Variants in WASHC5 observed in about 807,000 individuals in gnomAD.
WASHC5 encodes WASH complex subunit 5.
A neutral mutation model predicts 150.4 loss-of-function variants in WASHC5; 101 were observed. That is an observed-to-expected ratio of 0.67 (90% CI 0.57 to 0.79). The LOEUF is 0.79. Among genes scored for constraint, WASHC5 ranks in the 30% least tolerant of loss-of-function variants. The pLI, the probability that WASHC5 is intolerant of heterozygous loss-of-function variation, is 0.00. For synonymous variants in WASHC5, 467 were observed against 491.2 expected (o/e 0.95, Z 0.65); for missense variants, 1,195 against 1,396.3 (o/e 0.86, Z 2.30).
chr8:125,037,165 C>G, intron 26 of WASHC5, 72 bp downstream of exon 26: 1 of 905,048 alleles, frequency 1.1e-6, no homozygotes, highest in Non-Finnish European at 1.9e-6. Flanking sequence ...GCATTCTATA[C>G]AAAAAGCTAT....
intron 9 of WASHC5, among the ~76,000 whole-genome samples, chr8:125,071,092 A>G (rs1586375644): frequency 6.6e-6 from 1 of 152,250 alleles, no homozygotes; most frequent in Non-Finnish European, 1.5e-5. Context: ...TGCTGCACAC[A>G]GTGCCTGTCT....
At chr8:125,038,052 A>C (rs1815768756) in intron 25 of WASHC5, among the ~76,000 whole-genome samples, 1 of 152,180 alleles carries the variant, frequency 6.6e-6, no homozygotes. Context: ...GGCGTATTTC[A>C]TAGGGCTTGT....
chr8:125,025,665 C>T (rs989553816), intron 28 of WASHC5, among the ~76,000 whole-genome samples: 13 of 152,178 alleles, frequency 8.5e-5, no homozygotes, highest in East Asian at 1.9e-4. Flanking sequence ...TCCAGCCTGG[C>T]GACAGATGGC....
chr8:125,078,628 T>C, intron 6 of WASHC5, 110 bp downstream of exon 6: 14 of 901,138 alleles, frequency 1.6e-5, no homozygotes, highest in South Asian at 7.0e-5. Flanking sequence ...TAAAAGGTTC[T>C]ACCTGCTTTT....
At chr8:125,088,688 T>C (rs569307866) in intron 1 of WASHC5, among the ~76,000 whole-genome samples, 11 of 152,138 alleles carry the variant, frequency 7.2e-5, no homozygotes, top group African/African-American at 2.4e-4. Flanking sequence ...GATAAGACCA[T>C]AGCTCCTTGT....
At chr8:125,082,992 T>C (rs1817315773) in intron 3 of WASHC5, 121 bp downstream of exon 3, 5 of 681,498 alleles carry the variant, frequency 7.3e-6, no homozygotes, top group Non-Finnish European at 1.3e-5. Flanking sequence ...GACAACTATA[T>C]ACAGTATAAA....
chr8:125,027,587 G>T (rs1224402399), intron 28 of WASHC5, among the ~76,000 whole-genome samples: 1 of 152,194 alleles, frequency 6.6e-6, no homozygotes, highest in African/African-American at 2.4e-5. Context: ...AAAGGCATAA[G>T]AATTATACAA....
intron 28 of WASHC5, among the ~76,000 whole-genome samples, chr8:125,028,021 G>A (rs1471286746): frequency 1.3e-5 from 2 of 152,154 alleles, no homozygotes. Context: ...TTGTAAGAAA[G>A]TATCTTTGAT....
chr8:125,073,177 G>A lies in WASHC5; in HGVS notation c.1126C>T (p.Leu376=). 1 of 1,614,096 alleles carries A rather than the reference G, an allele frequency of 6.2e-7. No homozygotes were observed. The highest frequency in any genetic ancestry group is 8.5e-7 in the Non-Finnish European group (1 of 1,179,986). The part of the protein sequence containing the change: ...LRDCNVAIRW[L]MLHTADSACD... ...CCTGAGTCTGCTGTATGAAGCATCA[G>A]CCATCGGATGGCAACATTGCAGTCT... Residue 376 remains leucine (L), a synonymous_variant, in exon 9 of 29, where the codon CTG becomes TTG. Transcript: ENST00000318410.
At position 125,056,785 on chromosome 8, in the gene WASHC5, T is replaced by C; in HGVS notation, c.1908A>G (p.Thr636=). The C allele has an allele frequency of 6.2e-7, 1 of 1,614,176 alleles. No individual in the cohort carries two copies. The highest frequency in any genetic ancestry group is 1.1e-5 in the South Asian group (1 of 91,088). The change falls in exon 16 of 29, where the codon ACA becomes ACG. Residue 636 remains threonine (T), a synonymous_variant. Coordinates refer to ENST00000318410, the MANE Select transcript of WASHC5 (RefSeq NM_014846.4). ...GAAGCTTTATGATCTTTAGAAGAGATGTAAACATGCTTTCTGGGATGATCT... is the reference window on the plus strand; with the variant it reads ...GAAGCTTTATGATCTTTAGAAGAGACGTAAACATGCTTTCTGGGATGATCT... ...VLQIIPESMF[T]SLLKIIKLQT... is the part of the protein sequence containing the mutation.
At chr8:125,076,318 C>T in intron 7 of WASHC5, 30 bp downstream of exon 7, 1 of 1,606,224 alleles carries the variant, frequency 6.2e-7, no homozygotes, top group Non-Finnish European at 8.5e-7. Flanking sequence ...AACACATTTA[C>T]TGTAGAGGAA....
At chr8:125,044,832 A>C in intron 20 of WASHC5, 134 bp from the exon 21 acceptor site, 1 of 927,330 alleles carries the variant, frequency 1.1e-6, no homozygotes, top group South Asian at 1.3e-5. Flanking sequence ...TAACCTCTGT[A>C]TTCAGGCACC....
intron 28 of WASHC5, among the ~76,000 whole-genome samples, chr8:125,027,253 C>CCTTG (rs879938997): frequency 8.8e-4 from 134 of 152,172 alleles, no homozygotes; most frequent in Non-Finnish European, 1.6e-3. Context: ...AGTTATGCAG[C>CCTTG]AATCCCACTA....
chr8:125,068,518 G>C (rs929282848), intron 9 of WASHC5, among the ~76,000 whole-genome samples: 1 of 152,156 alleles, frequency 6.6e-6, no homozygotes, highest in African/African-American at 2.4e-5. Context: ...CTTTTCCTTT[G>C]CAGATTTTGC....
intron 5 of WASHC5, among the ~76,000 whole-genome samples, chr8:125,079,571 C>T (rs1563634812): frequency 1.3e-5 from 2 of 151,986 alleles, no homozygotes; most frequent in Admixed American, 6.6e-5. Context: ...TTCCAAAATC[C>T]TTAGGAGTGG....
At chr8:125,034,341 A>G (rs75470435) in intron 26 of WASHC5, among the ~76,000 whole-genome samples, 4,194 of 152,164 alleles carry the variant, frequency 0.028, 121 homozygotes, top group South Asian at 0.16. Flanking sequence ...TCTACTAACA[A>G]TACAAAAATT....
rs1563625421 is a variant in WASHC5, at chr8:125,063,655, T to C, written c.1279-4A>G. The C allele has an allele frequency of 1.2e-6, 2 of 1,613,444 alleles. No homozygotes were observed. The highest frequency in any genetic ancestry group is 1.1e-5 in the South Asian group (1 of 91,046). ...CTGAAAGCATTTGCTTGAACATCTG[T>C]TGAAGCAACAGAAAATATTTATTTA... On this transcript the variant is annotated splice_polypyrimidine_tract_variant and splice_region_variant and intron_variant, in intron 10 of 28. Coordinates refer to ENST00000318410, the MANE Select transcript of WASHC5 (RefSeq NM_014846.4).
At chr8:125,045,734 C>T (rs1054487827) in intron 20 of WASHC5, among the ~76,000 whole-genome samples, 2 of 152,212 alleles carry the variant, frequency 1.3e-5, no homozygotes, top group Non-Finnish European at 2.9e-5. Flanking sequence ...CTGCTTACAA[C>T]TTCCATCTGC....
Position 125,066,402 on chromosome 8 carries a change from A to G in WASHC5, c.1278+1190T>C, listed in dbSNP as rs147837360. On this transcript the variant is annotated intron_variant, in intron 10 of 28. Coordinates refer to ENST00000318410, the MANE Select transcript of WASHC5 (RefSeq NM_014846.4). Reference sequence around the variant, plus strand: ...TGAGGATCTGTTCCGAATGGGTATAAATGTCTGGGCTAGTTCCTGGGCCCA... The same window carrying G: ...TGAGGATCTGTTCCGAATGGGTATAGATGTCTGGGCTAGTTCCTGGGCCCA... 1.3e-3 allele frequency among the ~76,000 whole-genome samples: 199 copies of G among 152,282 alleles called. 1 individual carries two copies. Among genetic ancestry groups the G allele is most frequent in the African/African-American group, 4.6e-3 (193 of 41,566 alleles).
Sources: allele counts gnomAD v4.1 joint callset (sites outside exome capture counted in the v4.1 genomes callset), GRCh38; gene constraint gnomAD v4.1.1; transcripts MANE v1.5; gene names NCBI Gene and HGNC (gene_info 2026-07-23, HGNC 2026-07-21).